The following FCN2 variants were observed in gnomAD, a reference collection of about 807,000 sequenced individuals.
FCN2 encodes ficolin 2.
FCN2 carries 31 observed loss-of-function variants against 32.5 expected under a neutral mutation model. That is an observed-to-expected ratio of 0.96 (90% CI 0.72 to 1.29). FCN2 has a LOEUF of 1.29. FCN2 is among the 50% of genes most tolerant of loss of function. The pLI is 0.00. For missense variants in FCN2, 412 were observed against 406.5 expected (o/e 1.01, Z -0.12); for synonymous variants, 181 against 164.5 (o/e 1.10, Z -0.77).
At chr9:134,871,709 C>T in the FCN2 span, among the ~76,000 whole-genome samples, 3 of 152,116 alleles carry the variant, frequency 2.0e-5, no homozygotes, top group East Asian at 1.9e-4. Context: ...GTCCTGGCTG[C>T]CCCTTACCCG....
At position 134,885,782 on chromosome 9, in the gene FCN2, G is replaced by T; in HGVS notation, c.444G>T (p.Arg148Ser). The T allele has an allele frequency of 1.2e-6, 2 of 1,614,040 alleles. No individual in the cohort carries two copies. Among genetic ancestry groups the T allele is most frequent in the Non-Finnish European group, 1.7e-6 (2 of 1,179,984 alleles). ...DGGGWTVFQR[R>S]VDGSVDFYRD... ...CTTCTCCACAGGTTTTCCAGCGGAGGGTGGATGGCTCTGTGGACTTCTACC... is the reference window on the plus strand; with the variant it reads ...CTTCTCCACAGGTTTTCCAGCGGAGTGTGGATGGCTCTGTGGACTTCTACC... The change falls in exon 6 of 8, where the codon AGG (arginine) becomes AGT (serine). Residue 148 changes from arginine to serine, a missense_variant. Transcript: ENST00000291744.
upstream of FCN2, among the ~76,000 whole-genome samples, chr9:134,876,545 A>G (rs1161675092): frequency 6.6e-6 from 1 of 152,190 alleles, no homozygotes. Flanking sequence ...ATAAAGGCTT[A>G]ACTACAATTT....
chr9:134,870,595 G>T, the FCN2 span, among the ~76,000 whole-genome samples: 11 of 152,116 alleles, frequency 7.2e-5, no homozygotes, highest in African/African-American at 2.2e-4. This position sits in a 1 kb window ranked among gnomAD's most constrained non-coding sequence, Gnocchi z 4.3. Flanking sequence ...AAGCAGCCAC[G>T]GTGAGCAAAG....
the FCN2 span, among the ~76,000 whole-genome samples, chr9:134,870,893 T>C: frequency 6.6e-6 from 1 of 152,054 alleles, no homozygotes; most frequent in Non-Finnish European, 1.5e-5. This position sits in a 1 kb window ranked among gnomAD's most constrained non-coding sequence, Gnocchi z 4.3. Flanking sequence ...GAATCCTCAC[T>C]GCACAGGTCT....
At position 134,884,782 on chromosome 9, in the gene FCN2, C is replaced by T; in HGVS notation, c.301+10C>T. On this transcript the variant is annotated intron_variant, in intron 4 of 7. Coordinates refer to ENST00000291744, the MANE Select transcript of FCN2 (RefSeq NM_004108.3). ...CAGCCGTGCCTGACAGGTGACTGAC[C>T]ACCCCCACACTCCTCCCACGGCTTG... The T allele has an allele frequency of 1.2e-6, 2 of 1,613,548 alleles. No individual in the cohort carries two copies. Among genetic ancestry groups the T allele is most frequent in the South Asian group, 2.2e-5 (2 of 91,010 alleles).
rs149137827 is a variant in FCN2, at chr9:134,885,480, G to T, written c.429+114G>T. On this transcript the variant is annotated intron_variant, in intron 5 of 7. Coordinates refer to ENST00000291744, the MANE Select transcript of FCN2 (RefSeq NM_004108.3). ...CTATTCTCCTGGTCGGGGACAGTCA[G>T]AGATGATGGGGGAGATGACCGGTGG... The T allele has an allele frequency of 1.5e-3, 2,214 of 1,498,608 alleles. 32 individuals carry two copies. In the African/African-American group the frequency reaches 0.027, roughly 18 times the overall value. 92.8% of individuals were successfully genotyped at this position (1,498,608 alleles called of 1,614,324 possible).
chr9:134,884,802 G>C, intron 4 of FCN2, 30 bp downstream of exon 4: 1 of 1,610,548 alleles, frequency 6.2e-7, no homozygotes, highest in Non-Finnish European at 8.5e-7. Flanking sequence ...CTCCTCCCAC[G>C]GCTTGTGGCT....
At chr9:134,877,641 G>A (rs1830615126), upstream of FCN2, among the ~76,000 whole-genome samples, 3 of 152,312 alleles carry the variant, frequency 2.0e-5, no homozygotes, top group South Asian at 6.2e-4. Flanking sequence ...TCATGGCCGT[G>A]TTCTCCATTT....
intron 6 of FCN2, 116 bp from the exon 7 acceptor site, chr9:134,886,314 C>T (rs1031853281): frequency 8.0e-6 from 10 of 1,250,582 alleles, no homozygotes; most frequent in African/African-American, 5.9e-5. Flanking sequence ...CGGTGCTCTC[C>T]GCCCTCTGCC....
chr9:134,867,663 TAAAAA>T, the FCN2 span, among the ~76,000 whole-genome samples: 2 of 140,210 alleles, frequency 1.4e-5, no homozygotes, highest in East Asian at 2.1e-4. Context: ...GGGGATACTT[TAAAAA>T]AAAAAAAAAA....
In FCN2 at chr9:134,887,273, A is replaced by C; in HGVS notation, c.800A>C (p.Tyr267Ser). Reference protein sequence around the residue: ...CAVMFQGAWWYKNCHVSNLNG... With the variant: ...CAVMFQGAWWSKNCHVSNLNG... ...GTGATGTTTCAGGGAGCTTGGTGGT[A>C]CAAAAACTGCCATGTGTCAAACCTG... The change falls in exon 8 of 8, where the codon TAC (tyrosine) becomes TCC (serine). Residue 267 changes from tyrosine (Y) to serine (S), a missense_variant. Transcript: ENST00000291744. 1 of 1,614,224 alleles carries C rather than the reference A, an allele frequency of 6.2e-7. No individual in the cohort carries two copies. The highest frequency in any genetic ancestry group is 8.5e-7 in the Non-Finnish European group (1 of 1,180,036).
At chr9:134,883,602 A>C (rs1378946823) in intron 3 of FCN2, among the ~76,000 whole-genome samples, 1 of 58,760 alleles carries the variant, frequency 1.7e-5, no homozygotes, top group African/African-American at 8.0e-5. Flanking sequence ...CAATGTGTGT[A>C]GGGGGTCTCA....
chr9:134,881,091 C>T (rs7032741), intron 1 of FCN2, among the ~76,000 whole-genome samples, 170 bp downstream of exon 1: 20,157 of 152,208 alleles, frequency 0.13, 1,518 homozygotes, highest in African/African-American at 0.21. Flanking sequence ...GCAGAGGCCC[C>T]GAATGGATGT....
the FCN2 span, among the ~76,000 whole-genome samples, chr9:134,867,732 C>T: frequency 1.3e-5 from 2 of 151,824 alleles, no homozygotes; most frequent in East Asian, 3.9e-4. Flanking sequence ...GCTCTGTGTC[C>T]TTGGACCCCA....
the FCN2 span, among the ~76,000 whole-genome samples, chr9:134,873,331 C>T: frequency 6.6e-6 from 1 of 152,146 alleles, no homozygotes; most frequent in Non-Finnish European, 1.5e-5. Context: ...GGCTGGGTTC[C>T]TTCTGGAGGC....
chr9:134,886,683 C>T (rs889491753), intron 7 of FCN2, 119 bp downstream of exon 7: 50 of 1,163,014 alleles, frequency 4.3e-5, no homozygotes, highest in Non-Finnish European at 5.9e-5. Flanking sequence ...TGAGCCAATT[C>T]GTCCATCTCT....
the FCN2 span, among the ~76,000 whole-genome samples, chr9:134,872,921 C>T: frequency 6.6e-6 from 1 of 152,188 alleles, no homozygotes; most frequent in African/African-American, 2.4e-5. Context: ...GGGTCCTCCA[C>T]ATCCTTGTCA....
chr9:134,885,744 TCCTG>T lies in FCN2; in HGVS notation c.430-23_430-20del. On this transcript the variant is annotated intron_variant, in intron 5 of 7. Coordinates refer to ENST00000291744, the MANE Select transcript of FCN2 (RefSeq NM_004108.3). Reference sequence around the variant, plus strand: ...GGGACGTCGGCCTGGCCCCCCCGGCTCCTGTCCCCTGGCTTCTCCACAGGTTTTC... The same window carrying T: ...GGGACGTCGGCCTGGCCCCCCCGGCTTCCCCTGGCTTCTCCACAGGTTTTC... The T allele has an allele frequency of 6.2e-7, 1 of 1,613,896 alleles. No homozygotes were observed. Among genetic ancestry groups the T allele is most frequent in the Admixed American group, 1.7e-5 (1 of 60,016 alleles).
chr9:134,886,293 C>A, intron 6 of FCN2, 137 bp from the exon 7 acceptor site: 3 of 1,023,262 alleles, frequency 2.9e-6, no homozygotes, highest in Non-Finnish European at 3.0e-6. Flanking sequence ...ACACAGGCCC[C>A]GGGGATGCTG....
Sources: gnomAD v4.1 joint callset for allele counts (sites outside exome capture counted in the v4.1 genomes callset) on GRCh38, gnomAD v4.1.1 for gene constraint, Gnocchi (gnomAD v3.1) non-coding constraint, MANE v1.5 for transcripts, NCBI Gene and HGNC (gene_info 2026-07-23, HGNC 2026-07-21) for gene names.